Variants in GABRB1 observed in about 807,000 individuals in gnomAD.
GABRB1 encodes gamma-aminobutyric acid type A receptor subunit beta1.
Under a neutral mutation model 51.6 loss-of-function variants are expected in GABRB1, and 17 were observed. The observed-to-expected ratio is 0.33, with a 90% CI of 0.23 to 0.49. GABRB1 has a LOEUF of 0.49. GABRB1 is among the 20% of genes least tolerant of loss of function. The pLI is 0.99. For missense variants in GABRB1, 410 were observed against 600.6 expected, an observed-to-expected ratio of 0.68 and a Z score of 3.32; for synonymous variants, 247 against 218.9, an observed-to-expected ratio of 1.13 and a Z score of -1.14.
intron 3 of GABRB1, among the ~76,000 whole-genome samples, chr4:47,052,495 T>C (rs1195322551): frequency 6.6e-6 from 1 of 152,186 alleles, no homozygotes; most frequent in African/African-American, 2.4e-5. Flanking sequence ...CTTACAAGCA[T>C]ATGGCTATCA....
At chr4:47,003,917 G>A (rs1040241780) in intron 1 of GABRB1, among the ~76,000 whole-genome samples, 2 of 152,180 alleles carry the variant, frequency 1.3e-5, no homozygotes, top group African/African-American at 4.8e-5. Context: ...ATATTTACAG[G>A]CAAGTTAGGA....
intron 5 of GABRB1, among the ~76,000 whole-genome samples, chr4:47,386,151 G>A (rs1354469581): frequency 6.6e-6 from 1 of 152,112 alleles, no homozygotes; most frequent in East Asian, 1.9e-4. Flanking sequence ...AAAGTTTCAG[G>A]CTTCTAATCT....
At chr4:47,077,820 A>AT (rs55847924) in intron 3 of GABRB1, among the ~76,000 whole-genome samples, 111,386 of 139,846 alleles carry the variant, frequency 0.8, 44,790 homozygotes, top group South Asian at 0.85. Flanking sequence ...CATATAAAAA[A>AT]ATATAATATA....
chr4:47,108,978 A>T (rs1305621809), intron 3 of GABRB1, among the ~76,000 whole-genome samples: 2 of 152,128 alleles, frequency 1.3e-5, no homozygotes, highest in Admixed American at 1.3e-4. Context: ...TGAGAGAATT[A>T]CTTATTACTT....
At chr4:47,394,058 T>C (rs910486724) in intron 5 of GABRB1, among the ~76,000 whole-genome samples, 1 of 152,186 alleles carries the variant, frequency 6.6e-6, no homozygotes. Flanking sequence ...TCCAGAGAAG[T>C]TGTCTGTGGC....
chr4:47,175,085 C>T (rs1324125975), intron 4 of GABRB1, among the ~76,000 whole-genome samples: 1 of 148,870 alleles, frequency 6.7e-6, no homozygotes, highest in East Asian at 2.0e-4. Context: ...TCCTCCCTCC[C>T]TTGTTTGTTT....
chr4:47,096,452 G>C (rs540010754), intron 3 of GABRB1, among the ~76,000 whole-genome samples: 1 of 152,136 alleles, frequency 6.6e-6, no homozygotes, highest in African/African-American at 2.4e-5. Context: ...ATAAATAGAC[G>C]GTAGATTGCA....
chr4:47,305,627 T>C (rs772818147), intron 4 of GABRB1, among the ~76,000 whole-genome samples: 5 of 152,136 alleles, frequency 3.3e-5, no homozygotes, highest in African/African-American at 9.7e-5. Context: ...TAAATGAATG[T>C]GTAATTGCAA....
intron 5 of GABRB1, among the ~76,000 whole-genome samples, chr4:47,345,091 A>G (rs1482263300): frequency 6.6e-6 from 1 of 152,206 alleles, no homozygotes; most frequent in Non-Finnish European, 1.5e-5. Flanking sequence ...TATCTACACT[A>G]TTAAAATCTA....
intron 3 of GABRB1, among the ~76,000 whole-genome samples, chr4:47,075,559 CT>C (rs1383317405): frequency 6.6e-6 from 1 of 152,162 alleles, no homozygotes; most frequent in Non-Finnish European, 1.5e-5. Flanking sequence ...AGCCAGTCTG[CT>C]TATGGTGTAT....
intron 4 of GABRB1, among the ~76,000 whole-genome samples, chr4:47,297,594 T>A (rs1724056155): frequency 6.6e-6 from 1 of 152,014 alleles, no homozygotes; most frequent in Non-Finnish European, 1.5e-5. Flanking sequence ...AATAACAGGC[T>A]CTGAAATTGT....
intron 1 of GABRB1, among the ~76,000 whole-genome samples, chr4:46,998,962 A>G (rs1002766723): frequency 6.6e-5 from 10 of 152,042 alleles, no homozygotes; most frequent in African/African-American, 2.4e-4. Context: ...GATCGTGTGT[A>G]ATTAGTACTC....
intron 4 of GABRB1, among the ~76,000 whole-genome samples, chr4:47,265,422 G>A (rs568591849): frequency 2.0e-5 from 3 of 152,052 alleles, no homozygotes; most frequent in East Asian, 1.9e-4. Flanking sequence ...ACATATGAGC[G>A]CAGATATCTT....
At chr4:47,269,976 A>ACACG (rs59512370) in intron 4 of GABRB1, among the ~76,000 whole-genome samples, 12 of 151,372 alleles carry the variant, frequency 7.9e-5, no homozygotes, top group African/African-American at 2.9e-4. Flanking sequence ...ACACACACAC[A>ACACG]GGCTGAGTCT....
chr4:47,376,539 T>C (rs972466180), intron 5 of GABRB1, among the ~76,000 whole-genome samples: 7 of 152,038 alleles, frequency 4.6e-5, no homozygotes, highest in East Asian at 1.9e-4. Flanking sequence ...CCCAGCTACT[T>C]GGGGGGCTGA....
chr4:47,049,063 G>GAA (rs5858051), intron 3 of GABRB1, among the ~76,000 whole-genome samples: 10 of 138,558 alleles, frequency 7.2e-5, no homozygotes, highest in Admixed American at 1.5e-4. Flanking sequence ...GATGAGAAGA[G>GAA]AAAAAAAAAA....
intron 5 of GABRB1, among the ~76,000 whole-genome samples, chr4:47,370,114 ATAATT>A (rs1378629161): frequency 6.6e-6 from 1 of 152,184 alleles, no homozygotes; most frequent in Non-Finnish European, 1.5e-5. Context: ...ACACTCAAAA[ATAATT>A]TTATTTTTCT....
intron 4 of GABRB1, among the ~76,000 whole-genome samples, chr4:47,205,395 G>T (rs1279057297): frequency 6.6e-6 from 1 of 152,118 alleles, no homozygotes; most frequent in African/African-American, 2.4e-5. Context: ...AAAATATGCT[G>T]CTTGTGAGGA....
chr4:47,020,141 T>C (rs1724888516), intron 1 of GABRB1, among the ~76,000 whole-genome samples: 1 of 151,952 alleles, frequency 6.6e-6, no homozygotes, highest in Non-Finnish European at 1.5e-5. Context: ...GCCTTCTCCT[T>C]TTGTCCTCAC....
Sources: allele counts gnomAD v4.1 joint callset (sites outside exome capture counted in the v4.1 genomes callset), GRCh38; gene constraint gnomAD v4.1.1; transcripts MANE v1.5; gene names NCBI Gene and HGNC (gene_info 2026-07-23, HGNC 2026-07-21).